Variants in MTMR7 observed in about 807,000 individuals in gnomAD.
MTMR7 encodes the protein myotubularin related protein 7.
MTMR7 carries 76 observed loss-of-function variants against 81.2 expected under a neutral mutation model. The observed-to-expected ratio is 0.94, with a 90% CI of 0.78 to 1.13. The LOEUF (loss-of-function observed/expected upper bound fraction) is 1.13. Among genes scored for constraint, MTMR7 ranks in the 50% most tolerant of loss-of-function variants. The probability of loss-of-function intolerance (pLI) is 0.00; values close to 1 mark genes in which losing one functional copy is unlikely to be tolerated. For synonymous variants in MTMR7, 372 were observed against 289.8 expected, an observed-to-expected ratio of 1.28 and a Z score of -2.88; for missense variants, 1,044 against 820.0, an observed-to-expected ratio of 1.27 and a Z score of -3.34.
chr8:17,332,530 G>A (rs777400498), intron 6 of MTMR7, among the ~76,000 whole-genome samples: 28 of 152,192 alleles, frequency 1.8e-4, no homozygotes, highest in Admixed American at 3.9e-4. Flanking sequence ...TGAGGCTTAC[G>A]ATGGGGTTAT....
In MTMR7 at chr8:17,379,559, C is replaced by T. The variant is rs1820697060; in HGVS notation, c.25-6319G>A. 2.6e-5 allele frequency among the ~76,000 whole-genome samples: 4 copies of T among 152,150 alleles called. No individual in the cohort carries two copies. In the South Asian group the frequency reaches 8.3e-4, roughly 32 times the overall value. The stretch of plus-strand genomic sequence containing the variant: ...GATCGCTGAGCAAAGATTTGTTTAT[C>T]CTGCTTGTATTGCTTCTCCAATCCT... On this transcript the variant is annotated intron_variant, in intron 1 of 13. Transcript: ENST00000180173.
intron 4 of MTMR7, among the ~76,000 whole-genome samples, chr8:17,351,204 G>C (rs1469814198): frequency 6.6e-6 from 1 of 152,194 alleles, no homozygotes; most frequent in Non-Finnish European, 1.5e-5. Context: ...ATTCTTCCTT[G>C]TAACAACACT....
At chr8:17,403,539 G>C (rs749966313) in intron 1 of MTMR7, among the ~76,000 whole-genome samples, 26 of 152,126 alleles carry the variant, frequency 1.7e-4, no homozygotes, top group African/African-American at 6.3e-4. Context: ...TTTTTGCACA[G>C]AATACATTTG....
rs80335948 is a variant in MTMR7 at position 17,386,560 on chromosome 8, G to A, written c.25-13320C>T. ...TCAGTGATAGGGCTGGCTTCAGAAG[G>A]GGAGATGGGCTGAAAACACTCAGCT... is the stretch of plus-strand genomic sequence containing the variant. On this transcript the variant is annotated intron_variant, in intron 1 of 13. Transcript: ENST00000180173. Among the ~76,000 whole-genome samples, 365 of 152,276 alleles carry A rather than the reference G, an allele frequency of 2.4e-3. 14 individuals are homozygous for A. The East Asian group carries it at 0.066, about 27-fold the overall frequency.
chr8:17,386,314 G>C (rs1477699649), intron 1 of MTMR7, among the ~76,000 whole-genome samples: 3 of 152,214 alleles, frequency 2.0e-5, no homozygotes, highest in Non-Finnish European at 2.9e-5. Context: ...GGAGGTCAAG[G>C]CTGCAGTGGG....
chr8:17,409,019 A>T (rs1475996521), intron 1 of MTMR7, among the ~76,000 whole-genome samples: 1 of 152,218 alleles, frequency 6.6e-6, no homozygotes, highest in Admixed American at 6.5e-5. Flanking sequence ...AATATGTTTC[A>T]TATATATCTC....
chr8:17,360,521 T>C (rs989686903), intron 4 of MTMR7, among the ~76,000 whole-genome samples: 1 of 151,748 alleles, frequency 6.6e-6, no homozygotes, highest in Middle Eastern at 3.2e-3. Context: ...TGTTCTCACA[T>C]TACTTTTGTT....
chr8:17,304,026 C>T (rs768030244), intron 12 of MTMR7, among the ~76,000 whole-genome samples: 1 of 152,144 alleles, frequency 6.6e-6, no homozygotes, highest in East Asian at 1.9e-4. Context: ...TTTGCTCCAA[C>T]CTTAACACGT....
At chr8:17,411,399 C>A (rs1821730219) in intron 1 of MTMR7, among the ~76,000 whole-genome samples, 1 of 152,184 alleles carries the variant, frequency 6.6e-6, no homozygotes, top group Non-Finnish European at 1.5e-5. Flanking sequence ...ATGTCTCTAT[C>A]ATACACTGAC....
At chr8:17,348,853 C>G (rs1819640364) in intron 5 of MTMR7, 100 bp downstream of exon 5, 1 of 1,415,776 alleles carries the variant, frequency 7.1e-7, no homozygotes, top group African/African-American at 1.4e-5. Context: ...CTGAAGAATT[C>G]AAACACACAC....
At position 17,400,438 on chromosome 8, in the gene MTMR7, C is replaced by T. The variant is rs1006416460; in HGVS notation, c.24+12831G>A. Among the ~76,000 whole-genome samples the T allele has an allele frequency of 6.6e-5, 10 of 152,112 alleles. No individual in the cohort carries two copies. The East Asian group carries it at 7.7e-4, about 12-fold the overall frequency. On this transcript the variant is annotated intron_variant, in intron 1 of 13. Coordinates refer to ENST00000180173, the MANE Select transcript of MTMR7 (RefSeq NM_004686.5). ...TGTTCTTAACAACTCTACCATTTTG[C>T]GTTTTGATGTTGAGAACAGGAAAGA...
At chr8:17,411,220 A>G (rs1462075782) in intron 1 of MTMR7, among the ~76,000 whole-genome samples, 1 of 152,184 alleles carries the variant, frequency 6.6e-6, no homozygotes, top group African/African-American at 2.4e-5. Context: ...GGTTGTAATT[A>G]TTTATTACAA....
At chr8:17,304,822 T>C (rs1817351091) in intron 11 of MTMR7, among the ~76,000 whole-genome samples, 1 of 151,426 alleles carries the variant, frequency 6.6e-6, no homozygotes, top group African/African-American at 2.4e-5. Flanking sequence ...TGGACATTTA[T>C]AATTTGTCAC....
chr8:17,320,257 C>G (rs979187974), intron 7 of MTMR7, among the ~76,000 whole-genome samples: 1 of 152,126 alleles, frequency 6.6e-6, no homozygotes, highest in Non-Finnish European at 1.5e-5. Context: ...ACAGTATTGA[C>G]TTAGACTGCT....
chr8:17,309,989 A>C (rs973795995), intron 9 of MTMR7, among the ~76,000 whole-genome samples: 1 of 151,980 alleles, frequency 6.6e-6, no homozygotes, highest in African/African-American at 2.4e-5. Flanking sequence ...TTTGTATTTT[A>C]TATTGTTTTA....
At position 17,373,197 on chromosome 8, in the gene MTMR7, G is replaced by A; in HGVS notation, c.68C>T (p.Ala23Val). The A allele has an allele frequency of 1.2e-6, 2 of 1,613,202 alleles. No individual in the cohort carries two copies. Among genetic ancestry groups the A allele is most frequent in the Non-Finnish European group, 1.7e-6 (2 of 1,179,528 alleles). Residue 23 changes from alanine to valine, a missense_variant, in exon 2 of 14, where the codon GCA (alanine) becomes GTA (valine). By Grantham distance (64) the Ala-to-Val change is moderately conservative. Transcript: ENST00000180173. ...RLVDRVSPKK[A>V]ALGTLYLTAT... is the part of the protein sequence containing the mutation. ...CGTCAAATACAAAGTACCTAGAGCT[G>A]CTTTTTTAGGAGACACTCGATCTAC...
intron 7 of MTMR7, among the ~76,000 whole-genome samples, chr8:17,324,302 TTA>T (rs1324209579): frequency 6.6e-6 from 1 of 152,212 alleles, no homozygotes; most frequent in Non-Finnish European, 1.5e-5. Flanking sequence ...CTCCTGTGTG[TTA>T]AGTACTTACT....
At position 17,298,600 on chromosome 8, in the gene MTMR7, C is replaced by A. The variant is rs905024015; in HGVS notation, c.*1262G>T. On this transcript the variant is annotated 3_prime_UTR_variant, in exon 14 of 14. Transcript: ENST00000180173. ...GTAAATTGTAAAGTTTAAATTAATC[C>A]TTTCACATATTCAAAATATTGATCT... The A allele has an allele frequency of 6.6e-6, 1 of 152,010 alleles. No individual in the cohort carries two copies. The highest frequency in any genetic ancestry group is 2.4e-5 in the African/African-American group (1 of 41,240). 9.4% of individuals were successfully genotyped at this position (152,010 alleles called of 1,614,324 possible). A position where few individuals can be genotyped will look rare whatever the true frequency, so the allele number is the denominator to read the frequency against.
chr8:17,393,834 C>T (rs1821172934), intron 1 of MTMR7, among the ~76,000 whole-genome samples: 1 of 152,132 alleles, frequency 6.6e-6, no homozygotes. Flanking sequence ...ACATTTTGCA[C>T]ATGTAACCTG....
Sources: allele counts gnomAD v4.1 joint callset (sites outside exome capture counted in the v4.1 genomes callset), GRCh38; gene constraint gnomAD v4.1.1; transcripts MANE v1.5; gene names NCBI Gene and HGNC (gene_info 2026-07-23, HGNC 2026-07-21).